Variants in SACS observed in about 807,000 individuals in gnomAD.
The protein encoded by SACS is sacsin molecular chaperone.
In SACS, 197 loss-of-function variants were observed where a neutral mutation model predicts 348.0. The ratio of observed to expected loss-of-function variants is 0.57; its 90% CI spans 0.50 to 0.64. The LOEUF is 0.64. Among genes scored for constraint, SACS ranks in the 30% least tolerant of loss-of-function variants. The pLI, the probability that SACS is intolerant of heterozygous loss-of-function variation, is 0.00. For missense variants in SACS, 4,999 were observed against 5,360.8 expected, an observed-to-expected ratio of 0.93 and a Z score of 2.11; for synonymous variants, 1,985 against 1,910.6, an observed-to-expected ratio of 1.04 and a Z score of -1.02.
intron 1 of SACS, among the ~76,000 whole-genome samples, chr13:23,415,377 C>G (rs181567061): frequency 6.6e-6 from 1 of 152,210 alleles, no homozygotes; most frequent in African/African-American, 2.4e-5. Flanking sequence ...ACATCTAACT[C>G]ACAATTTAGA....
intron 2 of SACS, among the ~76,000 whole-genome samples, chr13:23,392,836 C>T (rs1253588292): frequency 6.6e-6 from 1 of 152,070 alleles, no homozygotes; most frequent in East Asian, 1.9e-4. Flanking sequence ...CAAGACAGGC[C>T]CTTCTCTCCC....
intron 2 of SACS, among the ~76,000 whole-genome samples, chr13:23,406,882 C>G (rs2137947289): frequency 6.6e-6 from 1 of 151,994 alleles, no homozygotes; most frequent in South Asian, 2.1e-4. Context: ...ATATTTTATG[C>G]TTCAATCTAC....
chr13:23,391,076 A>T (rs1322515696), intron 2 of SACS, among the ~76,000 whole-genome samples: 1 of 152,272 alleles, frequency 6.6e-6, no homozygotes, highest in Non-Finnish European at 1.5e-5. Context: ...GAATTGCTTT[A>T]AAATACCAAC....
Position 23,333,366 on chromosome 13 carries a change from A to G in SACS, c.10510T>C (p.Leu3504=), listed in dbSNP as rs771474242. 31 of 1,597,706 alleles carry G rather than the reference A, an allele frequency of 1.9e-5. No homozygotes were observed. Among genetic ancestry groups the G allele is most frequent in the Non-Finnish European group, 2.4e-5 (28 of 1,174,576 alleles). The change falls in exon 10 of 10, where the codon TTA becomes CTA. Residue 3504 remains leucine, a synonymous_variant. Coordinates refer to ENST00000382292, the MANE Select transcript of SACS (RefSeq NM_014363.6). ...TCTGATAATTCCTCAGCACTTGATA[A>G]TCTATTCTTAAGGTAGATCAAGTGC... ...LEHLIYLKNR[L]SSAEELSEIK... is the part of the protein sequence containing the mutation.
intron 4 of SACS, among the ~76,000 whole-genome samples, chr13:23,369,994 G>A (rs1209789510): frequency 6.6e-6 from 1 of 151,972 alleles, no homozygotes; most frequent in Non-Finnish European, 1.5e-5. Context: ...AAGTGGCTGG[G>A]AGTACAGGTG....
chr13:23,337,468 A>G lies in SACS; in HGVS notation c.6408T>C (p.Thr2136=). Residue 2136 remains threonine, a synonymous_variant, in exon 10 of 10, where the codon ACT becomes ACC. Coordinates refer to ENST00000382292, the MANE Select transcript of SACS (RefSeq NM_014363.6). ...IKDGRFPYGS[T]QDYLNPIILI... Reference sequence around the variant, plus strand: ...AAATAATAGGATTGAGATAATCCTGAGTAGAACCATAAGGGAATCTCCCAT... The same window carrying G: ...AAATAATAGGATTGAGATAATCCTGGGTAGAACCATAAGGGAATCTCCCAT... 6.2e-7 allele frequency: 1 copy of G among 1,613,772 alleles called. No individual in the cohort carries two copies. Among genetic ancestry groups the G allele is most frequent in the Non-Finnish European group, 8.5e-7 (1 of 1,179,826 alleles).
chr13:23,395,611 C>T (rs1210438720), intron 2 of SACS, among the ~76,000 whole-genome samples: 7 of 152,146 alleles, frequency 4.6e-5, no homozygotes, highest in African/African-American at 1.7e-4. Context: ...GAATCTTAGG[C>T]CTCCTACCCA....
intron 9 of SACS, among the ~76,000 whole-genome samples, chr13:23,353,574 G>A (rs1031696067): frequency 6.6e-6 from 1 of 152,200 alleles, no homozygotes; most frequent in Admixed American, 6.5e-5. Flanking sequence ...CATGACAGGA[G>A]AGATTTTTAC....
rs543758739 is a variant in SACS at position 23,340,483 on chromosome 13, G to A, written c.3393C>T (p.Leu1131=). 6 of 1,612,774 alleles carry A rather than the reference G, an allele frequency of 3.7e-6. No homozygotes were observed. In the African/African-American group the frequency reaches 6.7e-5, roughly 18 times the overall value. Residue 1131 remains leucine (L), a synonymous_variant, in exon 10 of 10, where the codon CTC becomes CTT. Transcript: ENST00000382292. ...QDVLLKKAKT[L]LLVLNKNHTL... is the part of the protein sequence containing the mutation. ...TGTGATTCTTATTTAAAACCAGTAA[G>A]AGGGTTTTGGCTTTCTTCAGAAGAA... is the stretch of plus-strand genomic sequence containing the variant.
rs1388291638 is a variant in SACS at position 23,333,963 on chromosome 13, T to C, written c.9913A>G (p.Ser3305Gly). The change falls in exon 10 of 10, where the codon AGC becomes GGC. Residue 3305 changes from serine (S) to glycine (G), a missense_variant. Coordinates refer to ENST00000382292, the MANE Select transcript of SACS (RefSeq NM_014363.6). ...VPEGDVLLPL[S>G]LMHIAVFPNA... ...GGAAAAACTGCAATGTGCATAAGGC[T>C]GAGAGGAAGCAGAACATCTCCTTCA... 4.3e-6 allele frequency: 7 copies of C among 1,613,782 alleles called. No homozygotes were observed. The East Asian group carries it at 8.9e-5, about 21-fold the overall frequency.
chr13:23,368,369 G>A (rs1871186057), intron 5 of SACS, 33 bp downstream of exon 5: 1 of 1,473,756 alleles, frequency 6.8e-7, no homozygotes, highest in African/African-American at 1.4e-5. Flanking sequence ...TTTTATCAAA[G>A]TAAATAACAC....
In SACS at chr13:23,365,280, A is replaced by G. The variant is rs186506382; in HGVS notation, c.346-3T>C. 2 of 1,558,106 alleles carry G rather than the reference A, an allele frequency of 1.3e-6. No homozygotes were observed. The highest frequency in any genetic ancestry group is 4.5e-5 in the East Asian group (2 of 44,122). On this transcript the variant is annotated splice_region_variant and splice_polypyrimidine_tract_variant and intron_variant, in intron 5 of 9. Transcript: ENST00000382292. Reference sequence around the variant, plus strand: ...TCTTCTGCATTCTGAATTAATTCCTAACCAAAAAATATACCAAAAAATAGT... The same window carrying G: ...TCTTCTGCATTCTGAATTAATTCCTGACCAAAAAATATACCAAAAAATAGT...
chr13:23,424,468 C>T (rs774004717), intron 1 of SACS, among the ~76,000 whole-genome samples: 2 of 150,776 alleles, frequency 1.3e-5, no homozygotes, highest in African/African-American at 4.9e-5. Flanking sequence ...GAGGTTGCAG[C>T]GAGCCGAGAT....
chr13:23,418,541 C>G (rs980064337), intron 1 of SACS, among the ~76,000 whole-genome samples: 2 of 152,034 alleles, frequency 1.3e-5, no homozygotes, highest in Non-Finnish European at 2.9e-5. Flanking sequence ...GAGTCTTGCT[C>G]TGTCTCTCCA....
At chr13:23,410,955 A>C (rs1472223652) in intron 2 of SACS, among the ~76,000 whole-genome samples, 1 of 152,234 alleles carries the variant, frequency 6.6e-6, no homozygotes, top group Non-Finnish European at 1.5e-5. Flanking sequence ...AAAATGGGCT[A>C]CATCTAGTTA....
In SACS at chr13:23,331,496, T is replaced by C. The variant is rs113609509; in HGVS notation, c.12380A>G (p.Asn4127Ser). 8 of 1,613,912 alleles carry C rather than the reference T, an allele frequency of 5.0e-6. No homozygotes were observed. In the African/African-American group the frequency reaches 6.7e-5, roughly 13 times the overall value. ...TTTCTCACCAATCCTGTAAATATCA[T>C]TGCATCCTAGCATAGCAATTAAATA... ...TSYLIAMLGC[N>S]DIYRIGEKLD... The change falls in exon 10 of 10, where the codon AAT becomes AGT. Residue 4127 changes from asparagine to serine, a missense_variant. By Grantham distance (46) the Asn-to-Ser change is conservative. Transcript: ENST00000382292.
In SACS at chr13:23,355,541, A is replaced by G. The variant is rs933786405; in HGVS notation, c.1071T>C (p.Ser357=). The G allele has an allele frequency of 1.2e-6, 2 of 1,614,106 alleles. No homozygotes were observed. Among genetic ancestry groups the G allele is most frequent in the Admixed American group, 1.7e-5 (1 of 60,016 alleles). The change falls in exon 8 of 10, where the codon AGT becomes AGC. Residue 357 remains serine (S), a synonymous_variant. Coordinates refer to ENST00000382292, the MANE Select transcript of SACS (RefSeq NM_014363.6). ...NSIKILGTAI[S]NYCKKTPSNN... ...TGCTTGGAGTCTTTTTACAATAGTTACTTATAGCAGTTCCCAGAATCTTTA... is the reference window on the plus strand; with the variant it reads ...TGCTTGGAGTCTTTTTACAATAGTTGCTTATAGCAGTTCCCAGAATCTTTA...
chr13:23,411,301 TAA>T lies in SACS; in HGVS notation c.-64_-63del, dbSNP rs1873471907. On this transcript the variant is annotated 5_prime_UTR_variant, in exon 2 of 10. Coordinates refer to ENST00000382292, the MANE Select transcript of SACS (RefSeq NM_014363.6). Reference sequence around the variant, plus strand: ...TGAAAGTACGCTTCTTTCTTCTGTTTAAGTCTTCCCTCTGTGCTTCCTTTAAA... The same window carrying T: ...TGAAAGTACGCTTCTTTCTTCTGTTTGTCTTCCCTCTGTGCTTCCTTTAAA... The T allele has an allele frequency of 2.7e-6, 4 of 1,482,572 alleles. No individual in the cohort carries two copies. Among genetic ancestry groups the T allele is most frequent in the Non-Finnish European group, 3.8e-6 (4 of 1,060,598 alleles). The allele number at this position is 1,482,572 out of a possible 1,614,324, so 91.8% of individuals were successfully genotyped here. A position where few individuals can be genotyped will look rare whatever the true frequency, so the allele number is the denominator to read the frequency against.
intron 3 of SACS, among the ~76,000 whole-genome samples, chr13:23,371,712 A>T (rs1320693114): frequency 6.6e-6 from 1 of 152,252 alleles, no homozygotes; most frequent in Non-Finnish European, 1.5e-5. Context: ...ATATATGCAC[A>T]TATATACAAA....
Sources: gnomAD v4.1 joint callset for allele counts (sites outside exome capture counted in the v4.1 genomes callset) on GRCh38, gnomAD v4.1.1 for gene constraint, MANE v1.5 for transcripts, NCBI Gene and HGNC (gene_info 2026-07-23, HGNC 2026-07-21) for gene names.